EPS8: variants seen among roughly 807,000 people sequenced by gnomAD.
The protein encoded by EPS8 is EGFR pathway substrate 8, signaling adaptor, also known as epidermal growth factor receptor kinase substrate 8.
In EPS8, 42 loss-of-function variants were observed where a neutral mutation model predicts 103.8. That is an observed-to-expected ratio of 0.40 (90% confidence interval 0.32 to 0.52). The LOEUF is 0.52. Among genes scored for constraint, EPS8 ranks in the 20% least tolerant of loss-of-function variants. The probability of loss-of-function intolerance (pLI) is 0.40; values close to 1 mark genes in which losing one functional copy is unlikely to be tolerated. For synonymous variants in EPS8, 344 were observed against 344.6 expected, an observed-to-expected ratio of 1.00 and a Z score of 0.02; for missense variants, 969 against 1,005.1, an observed-to-expected ratio of 0.96 and a Z score of 0.49.
chr12:15,725,793 A>T lies in EPS8; in HGVS notation c.-21-42821T>A, dbSNP rs1485776002. Among the ~76,000 whole-genome samples the T allele has an allele frequency of 6.6e-6, 1 of 152,212 alleles. No individual in the cohort carries two copies. Among genetic ancestry groups the T allele is most frequent in the Non-Finnish European group, 1.5e-5 (1 of 68,034 alleles). Reference sequence around the variant, plus strand: ...GCTCTGTCAACATACAAGTTTTATTATATATTTATCAGATGTGTGTCTTAA... The same window carrying T: ...GCTCTGTCAACATACAAGTTTTATTTTATATTTATCAGATGTGTGTCTTAA... On this transcript the variant is annotated intron_variant, in intron 1 of 20. Transcript: ENST00000281172. The surrounding 1 kb of genome is among the most constrained non-coding windows in gnomAD (Gnocchi z 4.5).
rs537287771 is a variant in EPS8 at position 15,716,164 on chromosome 12, T to G, written c.-21-33192A>C. 1.6e-4 allele frequency among the ~76,000 whole-genome samples: 25 copies of G among 152,148 alleles called. No individual in the cohort carries two copies. The highest frequency in any genetic ancestry group is 3.2e-4 in the Non-Finnish European group (22 of 68,026). On this transcript the variant is annotated intron_variant, in intron 1 of 20. Transcript: ENST00000281172. This position sits in a 1 kb window ranked among gnomAD's most constrained non-coding sequence, Gnocchi z 5.0. Reference sequence around the variant, plus strand: ...GTATCCCAATTCCAATCCCTGTCATTTTTAAGATACTGTCTCTTAAAAATG... The same window carrying G: ...GTATCCCAATTCCAATCCCTGTCATGTTTAAGATACTGTCTCTTAAAAATG...
In EPS8 at chr12:15,641,782, C is replaced by T. The variant is rs776677683; in HGVS notation, c.1617G>A (p.Lys539=). The change falls in exon 16 of 21, where the codon AAG becomes AAA. Residue 539 remains lysine, a synonymous_variant. Transcript: ENST00000281172. ...KTQPKKYAKS[K]YDFVARNNSE... ...TGTTGTTCCTTGCTACAAAGTCATA[C>T]TTGGATTTGGCATATTTCTTGGGTT... is the stretch of plus-strand genomic sequence containing the variant. 1.2e-6 allele frequency: 2 copies of T among 1,601,604 alleles called. No homozygotes were observed. The highest frequency in any genetic ancestry group is 1.3e-5 in the African/African-American group (1 of 74,470).
rs1003637286 is a variant in EPS8, at chr12:15,757,624, G to A, written c.-22+31537C>T. Among the ~76,000 whole-genome samples the A allele has an allele frequency of 8.6e-5, 13 of 151,644 alleles. No individual in the cohort carries two copies. In the South Asian group the frequency reaches 2.3e-3, roughly 27 times the overall value. On this transcript the variant is annotated intron_variant, in intron 1 of 20. Transcript: ENST00000281172. This position sits in a 1 kb window ranked among gnomAD's most constrained non-coding sequence, Gnocchi z 4.1. ...CAGCCTGGCAACAGAGCGAGACTCC[G>A]TCTGAAGAAAAAAAAAAGAAAAAGA...
At chr12:15,741,541 C>T (rs150101003) in intron 1 of EPS8, among the ~76,000 whole-genome samples, 62 of 152,292 alleles carry the variant, frequency 4.1e-4, no homozygotes, top group Middle Eastern at 6.8e-3. Context: ...TGCAATTTAT[C>T]GAGCCTGCCC....
chr12:15,705,261 A>G lies in EPS8; in HGVS notation c.-21-22289T>C, dbSNP rs545990580. On this transcript the variant is annotated intron_variant, in intron 1 of 20. Transcript: ENST00000281172. ...CACCCCTACACACTGATCTCAGTCT[A>G]CTGAGGAGATAAAATAAGAAAATGA... Among the ~76,000 whole-genome samples the G allele has an allele frequency of 4.3e-4, 65 of 152,330 alleles. No homozygotes were observed. The South Asian group carries it at 0.011, about 26-fold the overall frequency.
At position 15,658,558 on chromosome 12, in the gene EPS8, G is replaced by A. The variant is rs942668478; in HGVS notation, c.965C>T (p.Pro322Leu). 3.1e-6 allele frequency: 5 copies of A among 1,613,136 alleles called. No homozygotes were observed. Among genetic ancestry groups the A allele is most frequent in the Admixed American group, 1.7e-5 (1 of 59,992 alleles). Reference protein sequence around the residue: ...GEGVLTLRAKPPPPDEFLDCF... With the variant: ...GEGVLTLRAKLPPPDEFLDCF... Reference sequence around the variant, plus strand: ...GTCAAGAAATTCATCAGGAGGTGGAGGTTTTGCCCGCAGCGTTAAAACACC... The same window carrying A: ...GTCAAGAAATTCATCAGGAGGTGGAAGTTTTGCCCGCAGCGTTAAAACACC... The change falls in exon 11 of 21, where the codon CCT (proline) becomes CTT (leucine). Residue 322 changes from proline to leucine, a missense_variant. Pro to Leu is a moderately conservative substitution (Grantham distance 98). Transcript: ENST00000281172.
chr12:15,669,031 C>A (rs1283970871), intron 6 of EPS8, among the ~76,000 whole-genome samples: 3 of 152,174 alleles, frequency 2.0e-5, no homozygotes, highest in Non-Finnish European at 4.4e-5. Context: ...GCTGAGACTA[C>A]AAGCGTGTAC....
intron 7 of EPS8, 61 bp from the exon 8 acceptor site, chr12:15,665,953 A>C: frequency 6.6e-7 from 1 of 1,525,222 alleles, no homozygotes; most frequent in Non-Finnish European, 9.0e-7. Context: ...ATATCAATTA[A>C]CTCAACTTGT....
In EPS8 at chr12:15,772,787, A is replaced by G. The variant is rs1331142627; in HGVS notation, c.-22+16374T>C. On this transcript the variant is annotated intron_variant, in intron 1 of 20. Coordinates refer to ENST00000281172, the MANE Select transcript of EPS8 (RefSeq NM_004447.6). This position sits in a 1 kb window ranked among gnomAD's most constrained non-coding sequence, Gnocchi z 5.0. ...AGAGAATATTCTTTTTATTTAAAAGAAGGCAAAAATCATTACAAACATACA... is the reference window on the plus strand; with the variant it reads ...AGAGAATATTCTTTTTATTTAAAAGGAGGCAAAAATCATTACAAACATACA... 6.6e-6 allele frequency among the ~76,000 whole-genome samples: 1 copy of G among 152,196 alleles called. No homozygotes were observed. Among genetic ancestry groups the G allele is most frequent in the African/African-American group, 2.4e-5 (1 of 41,466 alleles).
rs77383735 is a variant in EPS8, at chr12:15,670,863, C to A, written c.197G>T (p.Arg66Leu). The A allele has an allele frequency of 1.1e-5, 18 of 1,606,970 alleles. No homozygotes were observed. Among genetic ancestry groups the A allele is most frequent in the Non-Finnish European group, 1.5e-5 (18 of 1,174,556 alleles). ...VSSVSDISQY[R>L]VEHLTTFVLD... ...AACACCAAAGCATCTTACTTCAACA[C>A]GGTATTGAGATATATCTGACACACT... Residue 66 changes from arginine (R) to leucine (L), a missense_variant, in exon 4 of 21, where the codon CGT (arginine) becomes CTT (leucine). By Grantham distance (102) the Arg-to-Leu change is moderately radical (BLOSUM62 -2). Transcript: ENST00000281172.
intron 1 of EPS8, among the ~76,000 whole-genome samples, chr12:15,766,629 G>T (rs1218898157): frequency 6.6e-6 from 1 of 150,906 alleles, no homozygotes; most frequent in South Asian, 2.1e-4. Context: ...AGTGAGCAGA[G>T]ATCGTGCCAT....
rs939887723 is a variant in EPS8, at chr12:15,784,664, T to C, written c.-22+4497A>G. On this transcript the variant is annotated intron_variant, in intron 1 of 20. Transcript: ENST00000281172. This position sits in a 1 kb window ranked among gnomAD's most constrained non-coding sequence, Gnocchi z 4.0. ...TTTATCCAACGGATATAAGAACTTA[T>C]GTCTACCCAAAAACCTGCATGTGAA... Among the ~76,000 whole-genome samples, 1 of 152,184 alleles carries C rather than the reference T, an allele frequency of 6.6e-6. No individual in the cohort carries two copies. The highest frequency in any genetic ancestry group is 2.4e-5 in the African/African-American group (1 of 41,460).
chr12:15,665,634 G>T, intron 8 of EPS8, 122 bp downstream of exon 8: 2 of 1,243,656 alleles, frequency 1.6e-6, no homozygotes, highest in Non-Finnish European at 2.3e-6. Flanking sequence ...CCCGGCCAGA[G>T]TTGATTTTTT....
At chr12:15,673,353 A>T (rs1379240204) in intron 3 of EPS8, among the ~76,000 whole-genome samples, 1 of 152,234 alleles carries the variant, frequency 6.6e-6, no homozygotes, top group African/African-American at 2.4e-5. Flanking sequence ...TTTTAAGTCA[A>T]TCCATAAAGG....
rs1947155585 is a variant in EPS8 at position 15,771,652 on chromosome 12, G to A, written c.-22+17509C>T. ...GGTCATGGATGTGTTCTTCTAATGG[G>A]CTAGAAATTCTCCGTAGGATTGCAC... is the stretch of plus-strand genomic sequence containing the variant. On this transcript the variant is annotated intron_variant, in intron 1 of 20. Coordinates refer to ENST00000281172, the MANE Select transcript of EPS8 (RefSeq NM_004447.6). The surrounding 1 kb of genome is among the most constrained non-coding windows in gnomAD (Gnocchi z 4.6). Among the ~76,000 whole-genome samples, 1 of 151,946 alleles carries A rather than the reference G, an allele frequency of 6.6e-6. No homozygotes were observed. Among genetic ancestry groups the A allele is most frequent in the Non-Finnish European group, 1.5e-5 (1 of 67,998 alleles).
Position 15,721,920 on chromosome 12 carries a change from C to A in EPS8, c.-21-38948G>T, listed in dbSNP as rs1355306441. Among the ~76,000 whole-genome samples the A allele has an allele frequency of 1.3e-5, 2 of 150,664 alleles. No individual in the cohort carries two copies. The highest frequency in any genetic ancestry group is 4.9e-5 in the African/African-American group (2 of 41,024). On this transcript the variant is annotated intron_variant, in intron 1 of 20. Transcript: ENST00000281172. This position sits in a 1 kb window ranked among gnomAD's most constrained non-coding sequence, Gnocchi z 4.4. ...CATGAGTCATCCTGCTAGCCAGAGACAAATGCTTTCACATTTTATAAATTT... is the reference window on the plus strand; with the variant it reads ...CATGAGTCATCCTGCTAGCCAGAGAAAAATGCTTTCACATTTTATAAATTT...
chr12:15,778,256 T>A lies in EPS8; in HGVS notation c.-22+10905A>T, dbSNP rs1947227124. On this transcript the variant is annotated intron_variant, in intron 1 of 20. Transcript: ENST00000281172. This position sits in a 1 kb window ranked among gnomAD's most constrained non-coding sequence, Gnocchi z 4.5. ...GATTTTCAACAATGATTAAAAACAC[T>A]CTGACACACACTCTTCAGGCATACG... 6.6e-6 allele frequency among the ~76,000 whole-genome samples: 1 copy of A among 152,154 alleles called. No individual in the cohort carries two copies. Among genetic ancestry groups the A allele is most frequent in the Admixed American group, 6.5e-5 (1 of 15,284 alleles).
intron 18 of EPS8, among the ~76,000 whole-genome samples, chr12:15,627,160 C>T (rs528899906): frequency 6.6e-6 from 1 of 152,218 alleles, no homozygotes; most frequent in African/African-American, 2.4e-5. Context: ...CCACCATGCC[C>T]ATGCCCAACT....
intron 13 of EPS8, among the ~76,000 whole-genome samples, chr12:15,653,282 G>A (rs1021430528): frequency 1.3e-5 from 2 of 152,076 alleles, no homozygotes; most frequent in African/African-American, 4.8e-5. Flanking sequence ...CTAAAACATA[G>A]ATGTAATTAT....
Sources: allele counts gnomAD v4.1 joint callset (sites outside exome capture counted in the v4.1 genomes callset), GRCh38; gene constraint gnomAD v4.1.1; non-coding constraint Gnocchi (gnomAD v3.1); transcripts MANE v1.5; gene names NCBI Gene and HGNC (gene_info 2026-07-23, HGNC 2026-07-21).